The following PROM1 variants were observed in gnomAD, a reference collection of about 807,000 sequenced individuals.
The protein encoded by PROM1 is prominin-1.
Under a neutral mutation model 116.9 loss-of-function variants are expected in PROM1, and 105 were observed. The observed-to-expected ratio is 0.90, with a 90% confidence interval of 0.77 to 1.06. The LOEUF (loss-of-function observed/expected upper bound fraction) is 1.06, where lower values mean the gene tolerates loss of function less well. PROM1 is among the 50% of genes least tolerant of loss of function. The pLI is 0.00. For synonymous variants in PROM1, 393 were observed against 387.0 expected (o/e 1.02, Z -0.18); for missense variants, 1,122 against 1,045.2 (o/e 1.07, Z -1.01).
intron 2 of PROM1, among the ~76,000 whole-genome samples, chr4:16,051,255 C>T (rs1737826872): frequency 6.6e-6 from 1 of 152,150 alleles, no homozygotes; most frequent in Non-Finnish European, 1.5e-5. Context: ...AATAAAAATG[C>T]CAGGATGGGA....
chr4:16,079,498 G>A (rs1360089093), intron 1 of PROM1: 1 of 152,190 alleles, frequency 6.6e-6, no homozygotes, highest in East Asian at 1.9e-4. Context: ...TCAAGTCAAA[G>A]AGGAAGAGTT....
chr4:16,031,672 G>A (rs190655309), intron 5 of PROM1, among the ~76,000 whole-genome samples: 29 of 152,196 alleles, frequency 1.9e-4, no homozygotes, highest in Non-Finnish European at 3.8e-4. Flanking sequence ...GAGAGAGAGA[G>A]GGAGAGAGAG....
rs66861725 is a variant in PROM1 at position 16,021,202 on chromosome 4, C to CA, written c.784+2123dup. 1.9e-4 allele frequency among the ~76,000 whole-genome samples: 28 copies of CA among 151,056 alleles called. No individual in the cohort carries two copies. In the East Asian group the frequency reaches 3.3e-3, roughly 18 times the overall value. On this transcript the variant is annotated intron_variant, in intron 8 of 27. Coordinates refer to ENST00000447510, the MANE Select transcript of PROM1 (RefSeq NM_006017.3). ...ACTTATTCCAGCTGAATTAAAAAAA[C>CA]AAAAAAAAAGAACTTTAATAATAAC...
At chr4:16,050,542 T>A (rs1018294521) in intron 2 of PROM1, among the ~76,000 whole-genome samples, 2 of 152,024 alleles carry the variant, frequency 1.3e-5, no homozygotes, top group African/African-American at 4.8e-5. Context: ...TCTGAAGAGA[T>A]GAGATTTCGT....
At chr4:16,009,182 GA>G in intron 11 of PROM1, 74 bp from the exon 12 acceptor site, 1 of 1,325,186 alleles carries the variant, frequency 7.5e-7, no homozygotes, top group Non-Finnish European at 1.1e-6. Flanking sequence ...GAACCAAACA[GA>G]AAAGCCTGAA....
chr4:15,976,897 G>A (rs996350059), intron 26 of PROM1, among the ~76,000 whole-genome samples: 2 of 152,158 alleles, frequency 1.3e-5, no homozygotes, highest in African/African-American at 2.4e-5. Context: ...CTACCACTCT[G>A]ACAGCAGAGC....
intron 1 of PROM1, among the ~76,000 whole-genome samples, chr4:16,078,495 T>C (rs1744406758): frequency 6.6e-6 from 1 of 152,236 alleles, no homozygotes; most frequent in African/African-American, 2.4e-5. Flanking sequence ...AAATATGTTA[T>C]TTCCTTGTGC....
chr4:16,068,528 G>A (rs1047908335), intron 2 of PROM1, among the ~76,000 whole-genome samples: 1 of 152,156 alleles, frequency 6.6e-6, no homozygotes, highest in African/African-American at 2.4e-5. Flanking sequence ...AAGTAACTTT[G>A]AAGTGACCAA....
chr4:16,000,962 C>T (rs1389825813), intron 13 of PROM1, among the ~76,000 whole-genome samples: 1 of 152,096 alleles, frequency 6.6e-6, no homozygotes, highest in Non-Finnish European at 1.5e-5. Context: ...CGAGGGGTAG[C>T]CAATAAGGGG....
intron 1 of PROM1, chr4:16,083,347 G>A (rs879707976): frequency 2.3e-4 from 18 of 76,662 alleles, no homozygotes; most frequent in African/African-American, 7.9e-4. Context: ...CCCCACCCCC[G>A]CCCCCATCCC....
At chr4:16,054,941 A>T (rs768790238) in intron 2 of PROM1, among the ~76,000 whole-genome samples, 1 of 152,180 alleles carries the variant, frequency 6.6e-6, no homozygotes, top group Non-Finnish European at 1.5e-5. Flanking sequence ...TGCAACTCAT[A>T]ACTCACTTGT....
In PROM1 at chr4:16,076,083, GT is replaced by G. The variant is rs1408376667; in HGVS notation, c.-178del. On this transcript the variant is annotated 5_prime_UTR_variant, in exon 2 of 28. It removes the in-frame stop codon of an upstream open reading frame in the 5' UTR. Transcript: ENST00000447510. ...CTTGAGGCGAGGGATGCGGAAGAAT[GT>G]TCTCCAAGGGGGTCATTCACTCAAG... The G allele has an allele frequency of 7.7e-7, 1 of 1,307,044 alleles. No homozygotes were observed. The highest frequency in any genetic ancestry group is 1.5e-5 in the African/African-American group (1 of 67,198). The allele number at this position is 1,307,044 out of a possible 1,614,324, so 81.0% of individuals were successfully genotyped here.
chr4:15,996,512 AAAATAAATAAATAAAT>A (rs34403866), intron 15 of PROM1, among the ~76,000 whole-genome samples: 1 of 149,498 alleles, frequency 6.7e-6, no homozygotes, highest in Non-Finnish European at 1.5e-5. Context: ...TCCATCTCAG[AAAATAAATAAATAAAT>A]AAATAAATAA....
chr4:15,989,675 A>C, intron 19 of PROM1, 57 bp downstream of exon 19: 2 of 1,369,944 alleles, frequency 1.5e-6, no homozygotes, highest in Non-Finnish European at 2.0e-6. Flanking sequence ...AAAGCCAACT[A>C]GCTGCAGTAG....
At chr4:15,982,345 C>T (rs1718182161) in intron 23 of PROM1, among the ~76,000 whole-genome samples, 1 of 152,194 alleles carries the variant, frequency 6.6e-6, no homozygotes, top group African/African-American at 2.4e-5. Context: ...TCCTAACTTC[C>T]AGTCAATTTG....
At chr4:15,980,164 A>G in intron 24 of PROM1, 1 of 605,438 alleles carries the variant, frequency 1.7e-6, no homozygotes, top group Non-Finnish European at 2.9e-6. Context: ...GAGAGAGAGG[A>G]ACTGCAAACA....
At chr4:16,075,091 G>T (rs749335083) in intron 2 of PROM1, among the ~76,000 whole-genome samples, 4 of 152,068 alleles carry the variant, frequency 2.6e-5, no homozygotes, top group Non-Finnish European at 4.4e-5. Flanking sequence ...TTAAGAAGGC[G>T]AAAATGACAA....
chr4:16,056,585 TG>T (rs1739075504), intron 2 of PROM1, among the ~76,000 whole-genome samples: 1 of 149,772 alleles, frequency 6.7e-6, no homozygotes, highest in Non-Finnish European at 1.5e-5. Context: ...TGAGGGGTGT[TG>T]GGGTGGAAGA....
chr4:15,981,222 A>T (rs974248913), intron 23 of PROM1, among the ~76,000 whole-genome samples: 1 of 150,030 alleles, frequency 6.7e-6, no homozygotes, highest in Non-Finnish European at 1.5e-5. Context: ...CGGCCTCCCA[A>T]AGTGCTGAGA....
Sources: allele counts gnomAD v4.1 joint callset (sites outside exome capture counted in the v4.1 genomes callset), GRCh38; gene constraint gnomAD v4.1.1; transcripts MANE v1.5; gene names NCBI Gene and HGNC (gene_info 2026-07-23, HGNC 2026-07-21).